The following YAP1 variants were observed in gnomAD, a reference collection of about 807,000 sequenced individuals.
YAP1 encodes transcriptional coactivator YAP1.
Under a neutral mutation model 56.9 loss-of-function variants are expected in YAP1, and 5 were observed. The ratio of observed to expected loss-of-function variants is 0.09; its 90% CI spans 0.05 to 0.18. The LOEUF (loss-of-function observed/expected upper bound fraction) is 0.18, where lower values mean the gene tolerates loss of function less well. Ranked by LOEUF, YAP1 falls within the 10% of genes least tolerant of loss-of-function variation. The pLI, the probability that YAP1 is intolerant of heterozygous loss-of-function variation, is 1.00. For synonymous variants in YAP1, 265 were observed against 248.1 expected, an observed-to-expected ratio of 1.07 and a Z score of -0.64; for missense variants, 539 against 651.8, an observed-to-expected ratio of 0.83 and a Z score of 1.88.
intron 2 of YAP1, among the ~76,000 whole-genome samples, chr11:102,134,993 C>T (rs1242999352): frequency 6.6e-6 from 1 of 152,178 alleles, no homozygotes; most frequent in Non-Finnish European, 1.5e-5. Flanking sequence ...ATTCTCCTGC[C>T]TCAGCCTCCT....
At chr11:102,155,119 A>C (rs1184302267) in intron 2 of YAP1, among the ~76,000 whole-genome samples, 1 of 152,146 alleles carries the variant, frequency 6.6e-6, no homozygotes, top group African/African-American at 2.4e-5. Flanking sequence ...TCCCAACTTA[A>C]ATAAATCTAA....
At chr11:102,186,433 G>GT (rs879806527) in intron 4 of YAP1, 14,768 of 241,636 alleles carry the variant, frequency 0.061, 2 homozygotes, top group South Asian at 0.12. Context: ...TTTTTAAAAT[G>GT]TTTTTTTTTT....
At chr11:102,119,841 T>C (rs1591122340) in intron 2 of YAP1, among the ~76,000 whole-genome samples, 2 of 152,142 alleles carry the variant, frequency 1.3e-5, no homozygotes, top group East Asian at 3.9e-4. Flanking sequence ...AAAATATATA[T>C]AGAAATTTAA....
intron 6 of YAP1, among the ~76,000 whole-genome samples, chr11:102,211,799 G>A (rs1343111349): frequency 6.6e-6 from 1 of 151,934 alleles, no homozygotes; most frequent in Non-Finnish European, 1.5e-5. Flanking sequence ...CACCTCCCAG[G>A]TTCAAGCAAT....
Position 102,111,027 on chromosome 11 carries a change from A to T in YAP1, c.179A>T (p.Asp60Val). The T allele has an allele frequency of 2.5e-6, 4 of 1,609,388 alleles. No homozygotes were observed. Among genetic ancestry groups the T allele is most frequent in the Non-Finnish European group, 3.4e-6 (4 of 1,178,368 alleles). Residue 60 changes from aspartate to valine, a missense_variant, in exon 1 of 9, where the codon GAC becomes GTC. Coordinates refer to ENST00000282441, the MANE Select transcript of YAP1 (RefSeq NM_001130145.3). The stretch of plus-strand genomic sequence containing the variant: ...CATCAGATCGTGCACGTCCGCGGGG[A>T]CTCGGAGACCGACCTGGAGGCGCTC... The part of the protein sequence containing the change: ...AGHQIVHVRG[D>V]SETDLEALFN...
At chr11:102,191,415 C>T (rs1033446242) in intron 4 of YAP1, among the ~76,000 whole-genome samples, 3 of 151,648 alleles carry the variant, frequency 2.0e-5, no homozygotes, top group Non-Finnish European at 2.9e-5. Flanking sequence ...AAAATCTGAG[C>T]CCCTCTGAGA....
At chr11:102,111,466 C>G (rs1173709336) in intron 1 of YAP1, among the ~76,000 whole-genome samples, 1 of 150,486 alleles carries the variant, frequency 6.6e-6, no homozygotes, top group Non-Finnish European at 1.5e-5. Context: ...TCCCGGGGTT[C>G]CCGAGAGGTT....
At chr11:102,152,498 A>G (rs1053436179) in intron 2 of YAP1, among the ~76,000 whole-genome samples, 4 of 152,278 alleles carry the variant, frequency 2.6e-5, no homozygotes, top group African/African-American at 2.4e-5. Context: ...TAAGTCTGAA[A>G]ATATGTGTTT....
At chr11:102,191,358 CTT>C (rs796816309) in intron 4 of YAP1, among the ~76,000 whole-genome samples, 43 of 141,392 alleles carry the variant, frequency 3.0e-4, no homozygotes, top group Non-Finnish European at 2.9e-4. Context: ...ACCACCAACA[CTT>C]TTTTTTTTTT....
chr11:102,160,720 G>A (rs1033325343), intron 2 of YAP1, among the ~76,000 whole-genome samples: 2 of 152,082 alleles, frequency 1.3e-5, no homozygotes, highest in East Asian at 1.9e-4. Context: ...CCAGTAGTAC[G>A]AGAATTTGCT....
At chr11:102,216,807 C>G (rs1235800811) in intron 6 of YAP1, among the ~76,000 whole-genome samples, 4 of 152,170 alleles carry the variant, frequency 2.6e-5, no homozygotes, top group African/African-American at 9.7e-5. Flanking sequence ...GACAGACTTT[C>G]AAAACTGGGG....
Position 102,199,676 on chromosome 11 carries a change from T to A in YAP1, c.803-6217T>A, listed in dbSNP as rs530528375. On this transcript the variant is annotated intron_variant, in intron 4 of 8. Transcript: ENST00000282441. ...AGACACAACTAGGGTAGGAATTTTT[T>A]AAAAATCTCTATAGGTCAGAAAATA... Among the ~76,000 whole-genome samples the A allele has an allele frequency of 4.6e-5, 7 of 152,274 alleles. No homozygotes were observed. The South Asian group carries it at 1.5e-3, about 32-fold the overall frequency.
chr11:102,183,716 G>GTGTGTA (rs1388754467), intron 3 of YAP1, among the ~76,000 whole-genome samples: 6 of 151,484 alleles, frequency 4.0e-5, no homozygotes, highest in Non-Finnish European at 8.8e-5. Flanking sequence ...GTGTGTGTGT[G>GTGTGTA]TGTGTGTGTG....
chr11:102,130,397 ATGAT>A (rs376605984), intron 2 of YAP1, among the ~76,000 whole-genome samples: 97 of 152,142 alleles, frequency 6.4e-4, no homozygotes, highest in East Asian at 1.4e-3. Flanking sequence ...CTCCCGGATA[ATGAT>A]TGATTGATTG....
intron 8 of YAP1, among the ~76,000 whole-genome samples, chr11:102,229,309 TCTATAC>T (rs1351512995): frequency 6.6e-6 from 1 of 152,200 alleles, no homozygotes; most frequent in African/African-American, 2.4e-5. Context: ...CCAAGGTAGG[TCTATAC>T]CACTCATGTT....
intron 2 of YAP1, among the ~76,000 whole-genome samples, chr11:102,115,968 GGT>G (rs1411095347): frequency 1.3e-5 from 2 of 152,136 alleles, no homozygotes; most frequent in Non-Finnish European, 2.9e-5. Flanking sequence ...AAAAGTATAA[GGT>G]TAAAGAGCAA....
chr11:102,228,697 A>G (rs1470968820), intron 8 of YAP1, among the ~76,000 whole-genome samples: 2 of 150,822 alleles, frequency 1.3e-5, no homozygotes, highest in African/African-American at 2.4e-5. Flanking sequence ...GCTAAGAAAT[A>G]CCTGCCTCAC....
intron 4 of YAP1, among the ~76,000 whole-genome samples, chr11:102,198,116 C>G (rs1009631767): frequency 5.3e-5 from 8 of 152,224 alleles, no homozygotes; most frequent in Non-Finnish European, 1.0e-4. Context: ...GCCAAAAGTA[C>G]TCACAATAGT....
chr11:102,138,625 C>T (rs187889186), intron 2 of YAP1, among the ~76,000 whole-genome samples: 5 of 152,224 alleles, frequency 3.3e-5, no homozygotes, highest in East Asian at 3.9e-4. Flanking sequence ...TTCTGGTACC[C>T]GTGTTTCGTT....
Sources: gnomAD v4.1 joint callset for allele counts (sites outside exome capture counted in the v4.1 genomes callset) on GRCh38, gnomAD v4.1.1 for gene constraint, MANE v1.5 for transcripts, NCBI Gene and HGNC (gene_info 2026-07-23, HGNC 2026-07-21) for gene names.